EIF2S1: variants seen among roughly 807,000 people sequenced by gnomAD.
The protein encoded by EIF2S1 is eukaryotic translation initiation factor 2 subunit 1.
In EIF2S1, 5 loss-of-function variants were observed where a neutral mutation model predicts 33.5. The observed-to-expected ratio is 0.15, with a 90% CI of 0.08 to 0.31. The LOEUF is 0.31. Ranked by LOEUF, EIF2S1 falls within the 10% of genes least tolerant of loss-of-function variation. EIF2S1 has a pLI of 1.00. For synonymous variants in EIF2S1, 99 were observed against 127.5 expected (o/e 0.78, Z 1.51); for missense variants, 191 against 384.6 (o/e 0.50, Z 4.21).
Position 67,386,170 on chromosome 14 carries a change from AAAAC to A in EIF2S1, c.*2731_*2734del, listed in dbSNP as rs2085922731. Reference sequence around the variant, plus strand: ...ATCGATATTCAAAAGGCAAAACAAAAAAACTAATTCCAGGGACATTAGACCTTGG... The same window carrying A: ...ATCGATATTCAAAAGGCAAAACAAAATAATTCCAGGGACATTAGACCTTGG... On this transcript the variant is annotated 3_prime_UTR_variant, in exon 8 of 8. Transcript: ENST00000256383. 1 of 152,664 alleles carries A rather than the reference AAAAC, an allele frequency of 6.6e-6. No individual in the cohort carries two copies. Among genetic ancestry groups the A allele is most frequent in the Admixed American group, 6.5e-5 (1 of 15,290 alleles). The allele number at this position is 152,664 out of a possible 1,614,324, so 9.5% of individuals were successfully genotyped here. A position where few individuals can be genotyped will look rare whatever the true frequency, so the allele number is the denominator to read the frequency against.
intron 2 of EIF2S1, among the ~76,000 whole-genome samples, chr14:67,367,053 T>G (rs2085783962): frequency 1.3e-5 from 2 of 152,082 alleles, no homozygotes; most frequent in Non-Finnish European, 2.9e-5. Context: ...GGAGATCCCC[T>G]AAGTCTATAT....
chr14:67,368,022 A>C (rs558353211), intron 2 of EIF2S1, among the ~76,000 whole-genome samples: 1 of 152,292 alleles, frequency 6.6e-6, no homozygotes, highest in Admixed American at 6.5e-5. Flanking sequence ...CTGAGTGATG[A>C]CACAGTCCAA....
intron 2 of EIF2S1, among the ~76,000 whole-genome samples, chr14:67,370,566 G>A (rs759304154): frequency 1.3e-5 from 2 of 152,110 alleles, no homozygotes; most frequent in Non-Finnish European, 2.9e-5. Flanking sequence ...AGGCTAATAA[G>A]GGAATATCAT....
intron 7 of EIF2S1, 144 bp from the exon 8 acceptor site, chr14:67,383,171 T>C: frequency 1.2e-6 from 1 of 844,764 alleles, no homozygotes; most frequent in South Asian, 1.9e-5. Context: ...AATTTATTGC[T>C]GATAAGTCAC....
At chr14:67,366,041 C>G (rs919791544) in intron 2 of EIF2S1, among the ~76,000 whole-genome samples, 2 of 151,320 alleles carry the variant, frequency 1.3e-5, no homozygotes, top group Non-Finnish European at 2.9e-5. Context: ...GTCTTCACAT[C>G]ACTGTCCTAG....
intron 2 of EIF2S1, among the ~76,000 whole-genome samples, chr14:67,373,268 CT>C (rs1178699180): frequency 6.6e-6 from 1 of 151,882 alleles, no homozygotes; most frequent in East Asian, 1.9e-4. Context: ...AATGACTGTT[CT>C]TTTTTTTAAA....
At chr14:67,369,903 C>T (rs1452205015) in intron 2 of EIF2S1, among the ~76,000 whole-genome samples, 1 of 152,232 alleles carries the variant, frequency 6.6e-6, no homozygotes, top group Non-Finnish European at 1.5e-5. Context: ...TAAAGACACA[C>T]ACACACAAAT....
intron 2 of EIF2S1, among the ~76,000 whole-genome samples, chr14:67,365,467 C>T (rs908873885): frequency 4.6e-5 from 7 of 152,108 alleles, no homozygotes; most frequent in African/African-American, 1.4e-4. Flanking sequence ...ATATACTATG[C>T]GTGTATATAC....
intron 7 of EIF2S1, 159 bp downstream of exon 7, chr14:67,382,749 C>A: frequency 2.7e-6 from 2 of 732,126 alleles, no homozygotes; most frequent in Non-Finnish European, 4.5e-6. Flanking sequence ...CGTCCCCAGC[C>A]AGGGGGAAGG....
In EIF2S1 at chr14:67,374,463, T is replaced by C; in HGVS notation, c.242-5T>C. 1 of 1,587,280 alleles carries C rather than the reference T, an allele frequency of 6.3e-7. No homozygotes were observed. The highest frequency in any genetic ancestry group is 8.6e-7 in the Non-Finnish European group (1 of 1,162,330). ...AGATGATTTTTTCACAATTTTTTTGTACAGGATATATTGATTTGTCAAAAA... is the reference window on the plus strand; with the variant it reads ...AGATGATTTTTTCACAATTTTTTTGCACAGGATATATTGATTTGTCAAAAA... On this transcript the variant is annotated splice_region_variant and splice_polypyrimidine_tract_variant and intron_variant, in intron 2 of 7. Transcript: ENST00000256383.
intron 1 of EIF2S1, chr14:67,363,993 T>C (rs2085758514): frequency 6.6e-6 from 1 of 152,098 alleles, no homozygotes; most frequent in Non-Finnish European, 1.5e-5. Context: ...GTAGGTTGGG[T>C]GGATCAAAGG....
At chr14:67,362,886 A>G (rs974880606) in intron 1 of EIF2S1, among the ~76,000 whole-genome samples, 1 of 152,232 alleles carries the variant, frequency 6.6e-6, no homozygotes, top group Non-Finnish European at 1.5e-5. Context: ...CATACCATCA[A>G]CAGTATTCCT....
At chr14:67,361,975 C>G (rs997397699) in intron 1 of EIF2S1, among the ~76,000 whole-genome samples, 2 of 150,282 alleles carry the variant, frequency 1.3e-5, no homozygotes, top group Non-Finnish European at 3.0e-5. Context: ...GTTTGTTTCC[C>G]ACTCTATACT....
chr14:67,377,351 T>TGTTCCAC (rs147301165), intron 4 of EIF2S1, among the ~76,000 whole-genome samples: 3,517 of 152,280 alleles, frequency 0.023, 47 homozygotes, highest in Middle Eastern at 0.054. Flanking sequence ...CAGCCTCAGC[T>TGTTCCAC]GTTCCACATT....
intron 1 of EIF2S1, among the ~76,000 whole-genome samples, chr14:67,361,995 AGGTAAGAGTCTTTTTTT>A (rs2085745509): frequency 6.7e-6 from 1 of 149,204 alleles, no homozygotes; most frequent in South Asian, 2.1e-4. Flanking sequence ...TTAATTACTT[AGGTAAGAGTCTTTTTTT>A]TTTTTCTTTT....
At chr14:67,378,314 C>CTTTTT (rs34487632) in intron 4 of EIF2S1, among the ~76,000 whole-genome samples, 20 of 107,618 alleles carry the variant, frequency 1.9e-4, no homozygotes, top group South Asian at 3.3e-4. Context: ...TCTCATGTGA[C>CTTTTT]TTTTTTTTTT....
rs2085726691 is a variant in EIF2S1, at chr14:67,360,400, C to G, written c.-58C>G. The G allele has an allele frequency of 1.5e-5, 6 of 395,150 alleles. No individual in the cohort carries two copies. The highest frequency in any genetic ancestry group is 2.2e-5 in the Non-Finnish European group (5 of 224,366). 24.5% of individuals were successfully genotyped at this position (395,150 alleles called of 1,614,324 possible). A position where few individuals can be genotyped will look rare whatever the true frequency, so the allele number is the denominator to read the frequency against. On this transcript the variant is annotated 5_prime_UTR_variant, in exon 1 of 8. Transcript: ENST00000256383. The stretch of plus-strand genomic sequence containing the variant: ...GGTGAGGGGGAAGCAAGTCTGGTCT[C>G]TGTGATTGAAGAAGTCGGCTCTGGG...
chr14:67,362,245 C>T (rs1223028137), intron 1 of EIF2S1, among the ~76,000 whole-genome samples: 1 of 151,938 alleles, frequency 6.6e-6, no homozygotes, highest in Admixed American at 6.6e-5. Context: ...GCCTCGAACT[C>T]CTGGTTTCAA....
In EIF2S1 at chr14:67,384,365, TTG is replaced by T. The variant is rs1034734951; in HGVS notation, c.*927_*928del. On this transcript the variant is annotated 3_prime_UTR_variant, in exon 8 of 8. Transcript: ENST00000256383. ...CAGGGATCTGTTTGAACACTTACTG[TTG>T]TTTTTTTTTTTTTACATGTTTCCAT... The T allele has an allele frequency of 6.3e-5, 9 of 143,732 alleles. No homozygotes were observed. The highest frequency in any genetic ancestry group is 2.5e-4 in the African/African-American group (9 of 36,272). 8.9% of individuals were successfully genotyped at this position (143,732 alleles called of 1,614,324 possible). A position where few individuals can be genotyped will look rare whatever the true frequency, so the allele number is the denominator to read the frequency against.
Sources: allele counts gnomAD v4.1 joint callset (sites outside exome capture counted in the v4.1 genomes callset), GRCh38; gene constraint gnomAD v4.1.1; transcripts MANE v1.5; gene names NCBI Gene and HGNC (gene_info 2026-07-23, HGNC 2026-07-21).